The following RIMS2 variants were observed in gnomAD, a reference collection of about 807,000 sequenced individuals.
RIMS2 encodes the protein regulating synaptic membrane exocytosis 2, also known as regulating synaptic membrane exocytosis protein 2.
RIMS2 carries 59 observed loss-of-function variants against 174.4 expected under a neutral mutation model. The ratio of observed to expected loss-of-function variants is 0.34; its 90% CI spans 0.27 to 0.42. The LOEUF is 0.42. RIMS2 is among the 10% of genes least tolerant of loss of function. The probability of loss-of-function intolerance (pLI) is 1.00; values close to 1 mark genes in which losing one functional copy is unlikely to be tolerated. For synonymous variants in RIMS2, 606 were observed against 572.5 expected (o/e 1.06, Z -0.84); for missense variants, 1,620 against 1,666.3 (o/e 0.97, Z 0.48).
chr8:103,719,117 A>C (rs2097413192), intron 2 of RIMS2, among the ~76,000 whole-genome samples: 1 of 152,326 alleles, frequency 6.6e-6, no homozygotes, highest in Non-Finnish European at 1.5e-5. Context: ...CATAAGTTAA[A>C]AAAAAATGTA....
At chr8:103,894,145 C>CA (rs1489646165) in intron 4 of RIMS2, among the ~76,000 whole-genome samples, 4 of 151,232 alleles carry the variant, frequency 2.6e-5, no homozygotes, top group Non-Finnish European at 2.9e-5. Flanking sequence ...AATTGTGAGA[C>CA]AAAAAAATAA....
chr8:103,641,710 G>T (rs2096235068), intron 1 of RIMS2, among the ~76,000 whole-genome samples: 1 of 151,990 alleles, frequency 6.6e-6, no homozygotes, highest in Admixed American at 6.6e-5. Context: ...TTCTCATCTT[G>T]TTCGTTCTCA....
chr8:103,968,319 G>T (rs1010002761), intron 15 of RIMS2, among the ~76,000 whole-genome samples: 1 of 152,004 alleles, frequency 6.6e-6, no homozygotes, highest in Admixed American at 6.6e-5. Flanking sequence ...GCATGTAAAT[G>T]AGTGACATTT....
chr8:103,615,233 G>T (rs938054848), intron 1 of RIMS2, among the ~76,000 whole-genome samples: 2 of 151,990 alleles, frequency 1.3e-5, no homozygotes, highest in South Asian at 4.1e-4. Flanking sequence ...TATGAAAATC[G>T]CTCAAAACCT....
At chr8:104,069,251 G>A (rs188591589) in intron 19 of RIMS2, among the ~76,000 whole-genome samples, 30 of 152,250 alleles carry the variant, frequency 2.0e-4, no homozygotes, top group Non-Finnish European at 4.1e-4. Context: ...GCTAAGCTGT[G>A]ATGTTCAGAA....
intron 1 of RIMS2, among the ~76,000 whole-genome samples, chr8:103,600,733 A>G (rs2094696136): frequency 6.6e-6 from 1 of 152,208 alleles, no homozygotes; most frequent in Admixed American, 6.5e-5. Flanking sequence ...GCTGAATCAT[A>G]TGGTAGCTCA....
intron 1 of RIMS2, among the ~76,000 whole-genome samples, chr8:103,682,049 G>A (rs1590225876): frequency 6.6e-6 from 1 of 152,122 alleles, no homozygotes; most frequent in East Asian, 1.9e-4. Context: ...ATAATTGAAT[G>A]GTGGCACCAT....
intron 19 of RIMS2, among the ~76,000 whole-genome samples, chr8:104,057,889 G>A (rs941932830): frequency 6.3e-4 from 95 of 151,782 alleles, no homozygotes; most frequent in Admixed American, 1.2e-3. Context: ...CCCTACAAAG[G>A]ACATGAACTC....
intron 3 of RIMS2, among the ~76,000 whole-genome samples, chr8:103,800,360 C>T (rs1460530663): frequency 6.6e-6 from 1 of 152,098 alleles, no homozygotes; most frequent in East Asian, 1.9e-4. Flanking sequence ...AGTGCCTCCA[C>T]TAAAATGTTA....
chr8:103,737,014 C>A (rs7844822), intron 2 of RIMS2, among the ~76,000 whole-genome samples: 34,887 of 151,630 alleles, frequency 0.23, 4,294 homozygotes, highest in Non-Finnish European at 0.25. Context: ...AATCTGTGTA[C>A]CAATATTTTC....
intron 1 of RIMS2, among the ~76,000 whole-genome samples, chr8:103,629,455 G>T (rs1419716402): frequency 6.6e-6 from 1 of 152,148 alleles, no homozygotes; most frequent in Non-Finnish European, 1.5e-5. Flanking sequence ...TGTTGGAAAG[G>T]CTTTGAGAAC....
chr8:104,090,999 C>G (rs2129732732), intron 19 of RIMS2, among the ~76,000 whole-genome samples: 1 of 151,812 alleles, frequency 6.6e-6, no homozygotes, highest in South Asian at 2.1e-4. Context: ...TTTGTTATCA[C>G]TTGTTATGTG....
intron 1 of RIMS2, among the ~76,000 whole-genome samples, chr8:103,546,299 T>C (rs1845073366): frequency 6.6e-6 from 1 of 152,166 alleles, no homozygotes; most frequent in African/African-American, 2.4e-5. Context: ...CATTACATAA[T>C]GGTAAAGGGT....
chr8:103,624,452 G>A (rs1281335555), intron 1 of RIMS2, among the ~76,000 whole-genome samples: 2 of 152,044 alleles, frequency 1.3e-5, no homozygotes, highest in Non-Finnish European at 1.5e-5. Context: ...TTCCTAGCTC[G>A]CAAATGGCAG....
At chr8:104,016,793 C>A (rs958360370) in intron 19 of RIMS2, among the ~76,000 whole-genome samples, 1 of 151,970 alleles carries the variant, frequency 6.6e-6, no homozygotes, top group African/African-American at 2.4e-5. Context: ...TAGCTCTATT[C>A]TTTGTAATAG....
At position 104,014,209 on chromosome 8, in the gene RIMS2, G is replaced by A. The variant is rs369888793; in HGVS notation, c.3225-297G>A. ...TACTACCTTTTCTTTCTTGAGCAGC[G>A]AAATTCTCCTCTTGCTTTCAATGGA... On this transcript the variant is annotated intron_variant, in intron 18 of 23. Coordinates refer to ENST00000504942, the Ensembl canonical transcript of RIMS2. Among the ~76,000 whole-genome samples, 7 of 152,206 alleles carry A rather than the reference G, an allele frequency of 4.6e-5. No individual in the cohort carries two copies. In the South Asian group the frequency reaches 1.0e-3, roughly 23 times the overall value.
chr8:103,560,673 A>T (rs2091443704), intron 1 of RIMS2, among the ~76,000 whole-genome samples: 1 of 152,192 alleles, frequency 6.6e-6, no homozygotes, highest in Admixed American at 6.5e-5. Flanking sequence ...GGATTCAGAG[A>T]TTGTTAAAGA....
rs187810940 is a variant in RIMS2, at chr8:103,726,951, C to A, written c.387+29655C>A. ...ACGGGGTTTCACCATGTTGGCCAGG[C>A]TGATCTTGAACTGCTGACCTTGTGA... On this transcript the variant is annotated intron_variant, in intron 2 of 23. Coordinates refer to ENST00000504942, the Ensembl canonical transcript of RIMS2. Among the ~76,000 whole-genome samples the A allele has an allele frequency of 9.4e-4, 143 of 151,376 alleles. 1 individual carries two copies. The highest frequency in any genetic ancestry group is 3.1e-3 in the African/African-American group (129 of 41,440).
At chr8:104,133,522 AT>A (rs2098490940) in intron 19 of RIMS2, among the ~76,000 whole-genome samples, 1 of 152,144 alleles carries the variant, frequency 6.6e-6, no homozygotes, top group Non-Finnish European at 1.5e-5. Context: ...TGGATTTTGG[AT>A]TTTTCCCAAG....
Sources: gnomAD v4.1 joint callset for allele counts (sites outside exome capture counted in the v4.1 genomes callset) on GRCh38, gnomAD v4.1.1 for gene constraint, MANE v1.5 for transcripts, NCBI Gene and HGNC (gene_info 2026-07-23, HGNC 2026-07-21) for gene names.